The following CSN3 variants were observed in gnomAD, a reference collection of about 807,000 sequenced individuals.
CSN3 encodes casein kappa.
A neutral mutation model predicts 9.9 loss-of-function variants in CSN3; 7 were observed. That is an observed-to-expected ratio of 0.71 (90% confidence interval 0.40 to 1.33). The LOEUF (loss-of-function observed/expected upper bound fraction) is 1.33, where lower values mean the gene tolerates loss of function less well. CSN3 is among the 40% of genes most tolerant of loss of function. The pLI is 0.01. For synonymous variants in CSN3, 88 were observed against 82.3 expected, an observed-to-expected ratio of 1.07 and a Z score of -0.37; for missense variants, 253 against 227.9, an observed-to-expected ratio of 1.11 and a Z score of -0.71.
In CSN3 at chr4:70,244,879, T is replaced by A. The variant is rs757193660; in HGVS notation, c.54+6T>A. The A allele has an allele frequency of 6.4e-7, 1 of 1,560,736 alleles. No individual in the cohort carries two copies. Among genetic ancestry groups the A allele is most frequent in the South Asian group, 1.3e-5 (1 of 78,560 alleles). ...CATTAACCCTGCCTTTTTTGGTAAG[T>A]TAATTTCATCTAACCAGATTGTACT... On this transcript the variant is annotated splice_donor_region_variant and intron_variant, in intron 2 of 4. Coordinates refer to ENST00000304954, the Ensembl canonical transcript of CSN3.
At chr4:70,241,981 A>G (rs1730279445), upstream of CSN3, among the ~76,000 whole-genome samples, 2 of 152,086 alleles carry the variant, frequency 1.3e-5, no homozygotes, top group East Asian at 3.9e-4. Context: ...TTAAAAATCA[A>G]TAATTGTAAT....
upstream of CSN3, among the ~76,000 whole-genome samples, chr4:70,242,388 G>A (rs1317772947): frequency 8.2e-6 from 1 of 121,434 alleles, no homozygotes; most frequent in Non-Finnish European, 1.9e-5. Context: ...GTATACATGT[G>A]CCATGCTGGT....
chr4:70,247,762 C>CT (rs60315013), intron 2 of CSN3, 56 bp from the exon 3 acceptor site: 19,928 of 1,374,758 alleles, frequency 0.014, 131 homozygotes, highest in Non-Finnish European at 0.017. Context: ...GATTTAAGTA[C>CT]TTTTTTTTTC....
At chr4:70,241,363 A>C (rs1233703808), upstream of CSN3, among the ~76,000 whole-genome samples, 4 of 152,038 alleles carry the variant, frequency 2.6e-5, no homozygotes, top group Non-Finnish European at 5.9e-5. Flanking sequence ...TGTAATCCAA[A>C]TAAGTATTCT....
In CSN3 at chr4:70,245,922, T is replaced by C. The variant is rs568111551; in HGVS notation, c.54+1049T>C. On this transcript the variant is annotated intron_variant, in intron 2 of 4. Transcript: ENST00000304954. Reference sequence around the variant, plus strand: ...GAACTTAGGTTGTCTCTTTGAGTAATAGGGCTTAAAGTTTAAATCATGAAA... The same window carrying C: ...GAACTTAGGTTGTCTCTTTGAGTAACAGGGCTTAAAGTTTAAATCATGAAA... 2.0e-4 allele frequency among the ~76,000 whole-genome samples: 30 copies of C among 152,316 alleles called. No individual in the cohort carries two copies. The South Asian group carries it at 5.8e-3, about 29-fold the overall frequency.
At chr4:70,244,507 A>G (rs17705624) in intron 1 of CSN3, among the ~76,000 whole-genome samples, 34,276 of 151,796 alleles carry the variant, frequency 0.23, 4,126 homozygotes, top group Non-Finnish European at 0.26. Context: ...ATGTTTCAAC[A>G]CTCTTCCTAA....
chr4:70,242,551 A>G (rs1189528066), upstream of CSN3: 1 of 151,402 alleles, frequency 6.6e-6, no homozygotes, highest in Non-Finnish European at 1.5e-5. Context: ...GAATAGCGTG[A>G]CTCAAGGTAC....
At chr4:70,249,080 A>G (rs372244908) in exon 4 of CSN3, 78 of 1,613,848 alleles carry the variant, frequency 4.8e-5, no homozygotes, top group Non-Finnish European at 6.3e-5. Context: ...AGCTATCCTT[A>G]TTATGGAACC....
chr4:70,242,208 T>A (rs1459323956), upstream of CSN3, among the ~76,000 whole-genome samples: 2 of 151,786 alleles, frequency 1.3e-5, no homozygotes, highest in Non-Finnish European at 2.9e-5. Context: ...AAAAAAAGAT[T>A]ATTTAAAAAG....
chr4:70,241,005 T>G (rs1437310256), upstream of CSN3, among the ~76,000 whole-genome samples: 1 of 152,012 alleles, frequency 6.6e-6, no homozygotes, highest in East Asian at 1.9e-4. Flanking sequence ...TATTTTCCTG[T>G]GAAAACAATG....
In CSN3 at chr4:70,249,255, A is replaced by G. The variant is rs3775741; in HGVS notation, c.345A>G (p.Pro115=). 106 of 1,614,106 alleles carry G rather than the reference A, an allele frequency of 6.6e-5. No homozygotes were observed. In the East Asian group the frequency reaches 2.3e-3, roughly 36 times the overall value. Residue 115 remains proline, a synonymous_variant, in exon 4 of 5, where the codon CCA becomes CCG. Coordinates refer to ENST00000304954, the Ensembl canonical transcript of CSN3. The stretch of plus-strand genomic sequence containing the variant: ...TGGTACGTCGCCCAAACCTGCATCC[A>G]TCATTTATTGCCATCCCCCCAAAGA...
chr4:70,240,013 T>C (rs1730240100), upstream of CSN3, among the ~76,000 whole-genome samples: 1 of 151,936 alleles, frequency 6.6e-6, no homozygotes, highest in East Asian at 1.9e-4. Context: ...ATTATTGTAC[T>C]TCAAGAACAA....
At chr4:70,249,431 C>T in exon 4 of CSN3, 1 of 1,613,760 alleles carries the variant, frequency 6.2e-7, no homozygotes, top group Non-Finnish European at 8.5e-7. Context: ...GAGACAACCA[C>T]AGTTGCAGTT....
At chr4:70,250,345 A>G (rs1293523152) in intron 4 of CSN3, among the ~76,000 whole-genome samples, 1 of 152,182 alleles carries the variant, frequency 6.6e-6, no homozygotes, top group Non-Finnish European at 1.5e-5. Context: ...CTAAAATACC[A>G]GACAATGGTC....
intron 4 of CSN3, among the ~76,000 whole-genome samples, chr4:70,250,694 C>A (rs955921399): frequency 6.6e-6 from 1 of 152,046 alleles, no homozygotes; most frequent in African/African-American, 2.4e-5. Context: ...ACCAGTAGGA[C>A]TGAGGACATT....
chr4:70,241,833 T>C (rs944096578), upstream of CSN3, among the ~76,000 whole-genome samples: 1 of 152,082 alleles, frequency 6.6e-6, no homozygotes, highest in Non-Finnish European at 1.5e-5. Flanking sequence ...ATGTAGTCAA[T>C]GCATACGGGA....
intron 3 of CSN3, 58 bp from the exon 4 acceptor site, chr4:70,248,940 G>T: frequency 4.8e-6 from 6 of 1,261,930 alleles, no homozygotes; most frequent in Non-Finnish European, 6.6e-6. Context: ...CAGATTTAAG[G>T]TATTTCCACA....
At chr4:70,239,106 GAT>G (rs1730225108), upstream of CSN3, among the ~76,000 whole-genome samples, 1 of 151,788 alleles carries the variant, frequency 6.6e-6, no homozygotes, top group Admixed American at 6.6e-5. Flanking sequence ...AGGGAGAAAA[GAT>G]AGAGTGGTGG....
intron 1 of CSN3, chr4:70,243,128 C>G: frequency 1.2e-6 from 1 of 856,802 alleles, no homozygotes; most frequent in Non-Finnish European, 1.4e-6. Context: ...ATAATTCTAC[C>G]ATTTCACGAA....
Sources: allele counts gnomAD v4.1 joint callset (sites outside exome capture counted in the v4.1 genomes callset), GRCh38; gene constraint gnomAD v4.1.1; transcripts MANE v1.5; gene names NCBI Gene and HGNC (gene_info 2026-07-23, HGNC 2026-07-21).